The following MTERF4 variants were observed in gnomAD, a reference collection of about 807,000 sequenced individuals.
The protein encoded by MTERF4 is transcription termination factor 4, mitochondrial.
In MTERF4, 17 loss-of-function variants were observed where a neutral mutation model predicts 22.5. That is an observed-to-expected ratio of 0.75 (90% confidence interval 0.52 to 1.13). MTERF4 has a LOEUF of 1.13. Among genes scored for constraint, MTERF4 ranks in the 50% most tolerant of loss-of-function variants. The pLI is 0.00. For synonymous variants in MTERF4, 165 were observed against 175.3 expected (o/e 0.94, Z 0.47); for missense variants, 420 against 466.8 (o/e 0.90, Z 0.92).
At chr2:241,069,141 G>C (rs1472675662), downstream of MTERF4, 1 of 672,194 alleles carries the variant, frequency 1.5e-6, no homozygotes, top group African/African-American at 1.8e-5. The surrounding 1 kb of genome is among the most constrained non-coding windows in gnomAD (Gnocchi z 4.9). Flanking sequence ...CCCAGCCCCT[G>C]GCCTCCCAGA....
chr2:241,074,699 T>C (rs1411618926), exon 5 of MTERF4: 1 of 152,216 alleles, frequency 6.6e-6, no homozygotes, highest in Non-Finnish European at 1.5e-5. Flanking sequence ...GACTCTTTAA[T>C]GGCCCCTCGA....
chr2:241,063,739 G>A, the MTERF4 span: 3 of 1,400,292 alleles, frequency 2.1e-6, no homozygotes, highest in Non-Finnish European at 3.0e-6. Context: ...TGCAGAGCCT[G>A]GGCCTCTGGA....
the MTERF4 span, among the ~76,000 whole-genome samples, chr2:241,064,531 T>A: frequency 4.6e-5 from 7 of 152,296 alleles, no homozygotes; most frequent in African/African-American, 1.7e-4. This position sits in a 1 kb window ranked among gnomAD's most constrained non-coding sequence, Gnocchi z 7.0. Context: ...TGATGAGGCT[T>A]CCCTGACCAC....
At chr2:241,082,173 C>T, downstream of MTERF4, 1 of 883,970 alleles carries the variant, frequency 1.1e-6, no homozygotes, top group South Asian at 1.6e-5. Flanking sequence ...TGGAGGAAGC[C>T]AGCCTAAGGA....
chr2:241,052,233 C>T, the MTERF4 span: 1 of 1,481,650 alleles, frequency 6.7e-7, no homozygotes, highest in South Asian at 1.1e-5. Flanking sequence ...GGCCCATGGG[C>T]AGGGCTGGTC....
At chr2:241,087,246 C>T (rs2063631966), downstream of MTERF4, 1 of 640,476 alleles carries the variant, frequency 1.6e-6, no homozygotes, top group Non-Finnish European at 2.7e-6. Flanking sequence ...TTTAATACAT[C>T]AATAGGAGGT....
rs1322937097 is a variant in MTERF4 at position 241,099,513 on chromosome 2, C to A, written c.403G>T (p.Gly135Cys). 77 of 1,614,008 alleles carry A rather than the reference C, an allele frequency of 4.8e-5. No individual in the cohort carries two copies. Among genetic ancestry groups the A allele is most frequent in the Non-Finnish European group, 6.2e-5 (73 of 1,180,024 alleles). ...ACACACACAGGCTCTGGATTCAGAC[C>A]CAAGAGAATAAATTCTGAAATGATG... is the stretch of plus-strand genomic sequence containing the variant. ...LDIISEFILL[G>C]LNPEPVCVVL... The change falls in exon 2 of 4, where the codon GGT becomes TGT. Residue 135 changes from glycine to cysteine, a missense_variant. By Grantham distance (159) the Gly-to-Cys change is radical. Coordinates refer to ENST00000391980, the MANE Select transcript of MTERF4 (RefSeq NM_182501.4).
chr2:241,064,736 C>A, the MTERF4 span: 26 of 744,038 alleles, frequency 3.5e-5, no homozygotes, highest in South Asian at 4.7e-4. This position sits in a 1 kb window ranked among gnomAD's most constrained non-coding sequence, Gnocchi z 7.0. Context: ...GCCCCCCGCC[C>A]CTCCACACCC....
At chr2:241,063,657 C>T in the MTERF4 span, 1 of 1,612,422 alleles carries the variant, frequency 6.2e-7, no homozygotes, top group South Asian at 1.1e-5. Context: ...GGGCCTATGT[C>T]TGCCGGTGCC....
the MTERF4 span, among the ~76,000 whole-genome samples, chr2:241,046,273 T>A: frequency 6.6e-6 from 1 of 152,240 alleles, no homozygotes. Context: ...AAGTATATGC[T>A]TATAATATGC....
chr2:241,058,210 A>G, the MTERF4 span, among the ~76,000 whole-genome samples: 14,356 of 152,242 alleles, frequency 0.094, 782 homozygotes, highest in East Asian at 0.19. Context: ...GTGTCTCTCA[A>G]TGATAATTGG....
At chr2:241,049,703 TG>T in the MTERF4 span, 1 of 724,008 alleles carries the variant, frequency 1.4e-6, no homozygotes, top group Non-Finnish European at 2.4e-6. Context: ...TCAGTGGCCT[TG>T]GTTCCAGACA....
downstream of MTERF4, chr2:241,090,302 CCTT>C: frequency 1.3e-6 from 2 of 1,549,288 alleles, no homozygotes; most frequent in Non-Finnish European, 8.7e-7. Flanking sequence ...ATCCATGTCA[CCTT>C]CTTCCACTTC....
downstream of MTERF4, chr2:241,088,417 C>T (rs1423872859): frequency 1.2e-6 from 2 of 1,606,256 alleles, no homozygotes; most frequent in Admixed American, 1.7e-5. Flanking sequence ...GTCCCTGCTG[C>T]TCCCGCCCCA....
chr2:241,073,186 A>C lies in MTERF4; in HGVS notation n.2976T>G. ...GACATCCGTGCTCCCTGAGATATAG[A>C]AGCACTCAAAAGGGTGGCCCCAGGA... On this transcript the variant is annotated non_coding_transcript_exon_variant, in exon 5 of 5. Coordinates refer to the MTERF4 transcript ENST00000464344. The surrounding 1 kb of genome is among the most constrained non-coding windows in gnomAD (Gnocchi z 6.6). 1.0e-6 allele frequency: 1 copy of C among 995,686 alleles called. No individual in the cohort carries two copies. The highest frequency in any genetic ancestry group is 1.5e-5 in the South Asian group (1 of 68,670). The allele number at this position is 995,686 out of a possible 1,614,324, so 61.7% of individuals were successfully genotyped here.
chr2:241,083,368 T>C (rs2063423308), downstream of MTERF4, among the ~76,000 whole-genome samples: 1 of 138,174 alleles, frequency 7.2e-6, no homozygotes, highest in African/African-American at 2.9e-5. Context: ...ACAGAAGGAC[T>C]CTGGTGTTTG....
downstream of MTERF4, among the ~76,000 whole-genome samples, chr2:241,069,220 G>T (rs2062596161): frequency 6.6e-6 from 1 of 152,202 alleles, no homozygotes; most frequent in Non-Finnish European, 1.5e-5. The surrounding 1 kb of genome is among the most constrained non-coding windows in gnomAD (Gnocchi z 4.9). Context: ...TGGGACAGCT[G>T]TCCAGGGCAG....
intron 2 of MTERF4, 145 bp from the exon 3 acceptor site, chr2:241,097,572 C>G: frequency 1.4e-6 from 1 of 718,126 alleles, no homozygotes; most frequent in Non-Finnish European, 2.3e-6. Context: ...TCAGATCTAT[C>G]TTCCCAGAAG....
At chr2:241,101,389 G>A (rs893359150) in intron 1 of MTERF4, among the ~76,000 whole-genome samples, 4 of 152,252 alleles carry the variant, frequency 2.6e-5, no homozygotes, top group Admixed American at 1.3e-4. Context: ...CCAGCGAAGG[G>A]AGCGGCTGTA....
Sources: allele counts gnomAD v4.1 joint callset (sites outside exome capture counted in the v4.1 genomes callset), GRCh38; gene constraint gnomAD v4.1.1; non-coding constraint Gnocchi (gnomAD v3.1); transcripts MANE v1.5; gene names NCBI Gene and HGNC (gene_info 2026-07-23, HGNC 2026-07-21).